Variants in ACSM5 observed in about 807,000 individuals in gnomAD.
ACSM5 encodes the protein acyl-coenzyme A synthetase ACSM5, mitochondrial.
Under a neutral mutation model 71.6 loss-of-function variants are expected in ACSM5, and 56 were observed. The observed-to-expected ratio is 0.78, with a 90% CI of 0.63 to 0.98. The LOEUF is 0.98. ACSM5 is among the 50% of genes least tolerant of loss of function. ACSM5 has a pLI of 0.00. For synonymous variants in ACSM5, 285 were observed against 281.5 expected, an observed-to-expected ratio of 1.01 and a Z score of -0.12; for missense variants, 723 against 726.0, an observed-to-expected ratio of 1.00 and a Z score of 0.05.
At chr16:20,438,980 T>TC (rs1567349517) in intron 12 of ACSM5, among the ~76,000 whole-genome samples, 1 of 127,988 alleles carries the variant, frequency 7.8e-6, no homozygotes, top group Non-Finnish European at 1.6e-5. Context: ...AAAAAAAAAG[T>TC]GTCCAACAAA....
At chr16:20,438,305 G>T (rs1252272826) in intron 12 of ACSM5, among the ~76,000 whole-genome samples, 3 of 151,970 alleles carry the variant, frequency 2.0e-5, no homozygotes, top group Non-Finnish European at 2.9e-5. Context: ...GACCACAGGA[G>T]AGATTCTCAA....
chr16:20,426,545 G>A (rs537345995), intron 6 of ACSM5, among the ~76,000 whole-genome samples: 99 of 152,298 alleles, frequency 6.5e-4, no homozygotes, highest in African/African-American at 2.3e-3. Context: ...AAAATGTGGT[G>A]TATATGTACA....
chr16:20,409,878 CGGGAGAGGTGAGGGGCGGGAGAGGT>C, intron 1 of ACSM5, among the ~76,000 whole-genome samples: 1 of 19,738 alleles, frequency 5.1e-5, no homozygotes, highest in African/African-American at 3.8e-4. Context: ...AGGTGAGGGG[CGGGAGAGGTGAGGGGCGGGAGAGGT>C]GAGGGGCGGG....
intron 12 of ACSM5, among the ~76,000 whole-genome samples, chr16:20,438,990 A>G (rs1207154241): frequency 6.8e-6 from 1 of 146,158 alleles, no homozygotes; most frequent in African/African-American, 2.5e-5. Flanking sequence ...TGTCCAACAA[A>G]TGTTTCGTAG....
rs1184220100 is a variant in ACSM5 at position 20,436,521 on chromosome 16, C to T, written c.1309-531C>T. On this transcript the variant is annotated intron_variant, in intron 10 of 13. Transcript: ENST00000331849. The stretch of plus-strand genomic sequence containing the variant: ...GAGTAGCTGGAATTACAGGCATGCA[C>T]CACCACACCCAGCTAATTTTTTTGT... Among the ~76,000 whole-genome samples the T allele has an allele frequency of 3.3e-5, 5 of 152,228 alleles. No individual in the cohort carries two copies. The East Asian group carries it at 9.7e-4, about 29-fold the overall frequency.
At chr16:20,416,756 A>G (rs1417461600) in intron 2 of ACSM5, among the ~76,000 whole-genome samples, 1 of 152,188 alleles carries the variant, frequency 6.6e-6, no homozygotes, top group Admixed American at 6.5e-5. Flanking sequence ...ATATCAAAGT[A>G]AAAAGCTCAC....
chr16:20,440,582 C>T lies in ACSM5; in HGVS notation c.*155C>T, dbSNP rs1202328221. 1.4e-5 allele frequency: 9 copies of T among 651,812 alleles called. No individual in the cohort carries two copies. The highest frequency in any genetic ancestry group is 2.7e-5 in the Admixed American group (1 of 36,474). 40.4% of individuals were successfully genotyped at this position (651,812 alleles called of 1,614,324 possible). On this transcript the variant is annotated 3_prime_UTR_variant, in exon 14 of 14. Transcript: ENST00000331849. ...GCATCCCCAGGATCACTGGGCAATG[C>T]TGGAAAGAGCAAAAGAATATCATTG...
At chr16:20,428,358 A>T (rs1228481156) in intron 7 of ACSM5, among the ~76,000 whole-genome samples, 1 of 152,222 alleles carries the variant, frequency 6.6e-6, no homozygotes, top group Non-Finnish European at 1.5e-5. Flanking sequence ...TCAGCCTCAG[A>T]CTAACCCCAG....
chr16:20,436,753 G>GC (rs1182971861), intron 10 of ACSM5, among the ~76,000 whole-genome samples: 2 of 152,062 alleles, frequency 1.3e-5, no homozygotes, highest in Middle Eastern at 3.2e-3. Context: ...ACAGCCAGTG[G>GC]CCCTGTGCCC....
intron 12 of ACSM5, among the ~76,000 whole-genome samples, chr16:20,439,227 C>T (rs1385937709): frequency 7.4e-6 from 1 of 135,884 alleles, no homozygotes; most frequent in Admixed American, 7.2e-5. Context: ...CTTCCTCCTG[C>T]CTGGCATAAG....
chr16:20,428,754 G>A (rs533691220), intron 7 of ACSM5, among the ~76,000 whole-genome samples: 9 of 152,200 alleles, frequency 5.9e-5, no homozygotes, highest in East Asian at 1.9e-4. Context: ...CAAGTACCTC[G>A]TTAAGAACAA....
chr16:20,430,643 AT>A (rs1967074402), intron 8 of ACSM5, among the ~76,000 whole-genome samples: 1 of 151,958 alleles, frequency 6.6e-6, no homozygotes, highest in Non-Finnish European at 1.5e-5. Flanking sequence ...AAGGAAGGAA[AT>A]AGGGAACAAA....
At chr16:20,426,619 C>T in intron 6 of ACSM5, among the ~76,000 whole-genome samples, 1 of 152,146 alleles carries the variant, frequency 6.6e-6, no homozygotes, top group Admixed American at 6.5e-5. Flanking sequence ...GTGGATAACC[C>T]TTGAGGACAT....
chr16:20,426,118 C>A (rs559758969), intron 6 of ACSM5, among the ~76,000 whole-genome samples: 1 of 152,106 alleles, frequency 6.6e-6, no homozygotes, highest in Non-Finnish European at 1.5e-5. Context: ...TTGATTATGG[C>A]CATTCTTGCA....
intron 5 of ACSM5, among the ~76,000 whole-genome samples, chr16:20,423,371 A>G (rs1567343080): frequency 6.6e-6 from 1 of 152,230 alleles, no homozygotes; most frequent in Non-Finnish European, 1.5e-5. Flanking sequence ...TGCCTCACCT[A>G]TATAATCCCT....
intron 12 of ACSM5, among the ~76,000 whole-genome samples, chr16:20,438,044 G>A (rs1158832405): frequency 6.6e-6 from 1 of 151,842 alleles, no homozygotes; most frequent in Admixed American, 6.6e-5. Flanking sequence ...CAGGCTGGAG[G>A]TCTTAAACTC....
At chr16:20,419,129 A>T in intron 3 of ACSM5, 99 bp from the exon 4 acceptor site, 1 of 1,064,944 alleles carries the variant, frequency 9.4e-7, no homozygotes, top group Admixed American at 2.0e-5. Context: ...CAGCTCATGC[A>T]TTCCAACCCT....
intron 10 of ACSM5, among the ~76,000 whole-genome samples, chr16:20,436,485 C>T (rs1596625107): frequency 6.6e-6 from 1 of 152,142 alleles, no homozygotes; most frequent in East Asian, 1.9e-4. Context: ...ATTCGCCTGC[C>T]TCAGCCTCCC....
intron 4 of ACSM5, chr16:20,419,779 GGTACTTA>G (rs1966870243): frequency 2.8e-6 from 1 of 360,594 alleles, no homozygotes; most frequent in Non-Finnish European, 5.3e-6. Context: ...CCATGTATTG[GGTACTTA>G]GTGTATCGCT....
Sources: allele counts gnomAD v4.1 joint callset (sites outside exome capture counted in the v4.1 genomes callset), GRCh38; gene constraint gnomAD v4.1.1; transcripts MANE v1.5; gene names NCBI Gene and HGNC (gene_info 2026-07-23, HGNC 2026-07-21).